The following RPL38 variants were observed in gnomAD, a reference collection of about 807,000 sequenced individuals.
RPL38 encodes the protein ribosomal protein L38.
A neutral mutation model predicts 12.8 loss-of-function variants in RPL38; 2 were observed. The ratio of observed to expected loss-of-function variants is 0.16; its 90% CI spans 0.06 to 0.49. The LOEUF is 0.49. Ranked by LOEUF, RPL38 falls within the 20% of genes least tolerant of loss-of-function variation. The probability of loss-of-function intolerance (pLI) is 0.96; values close to 1 mark genes in which losing one functional copy is unlikely to be tolerated. For missense variants in RPL38, 52 were observed against 79.8 expected (o/e 0.65, Z 1.33); for synonymous variants, 42 against 30.1 (o/e 1.39, Z -1.29).
intron 3 of RPL38, among the ~76,000 whole-genome samples, chr17:74,207,037 AG>A: frequency 6.6e-6 from 1 of 151,678 alleles, no homozygotes; most frequent in Non-Finnish European, 1.5e-5. Context: ...TTTTTTAAAC[AG>A]GGTCTCACTC....
rs2050148948 is a variant in RPL38, at chr17:74,209,831, C to T, written c.*2C>T. ...TTGGCAGTGAAGGAACTGAAATGAA[C>T]CAGACACACTGATTGGAACTGTATT... On this transcript the variant is annotated 3_prime_UTR_variant, in exon 5 of 5. Transcript: ENST00000311111. 2 of 1,609,596 alleles carry T rather than the reference C, an allele frequency of 1.2e-6. No individual in the cohort carries two copies. The highest frequency in any genetic ancestry group is 1.7e-6 in the Non-Finnish European group (2 of 1,175,952).
chr17:74,204,169 G>T lies in RPL38; in HGVS notation c.43G>T (p.Ala15Ser). 6.2e-7 allele frequency: 1 copy of T among 1,614,184 alleles called. No individual in the cohort carries two copies. Among genetic ancestry groups the T allele is most frequent in the Non-Finnish European group, 8.5e-7 (1 of 1,180,018 alleles). ...IEEIKDFLLT[A>S]RRKDAKSVKI... is the part of the protein sequence containing the mutation. Reference sequence around the variant, plus strand: ...GGAAATCAAGGACTTCCTGCTCACAGCCCGACGAAAGGATGCCAAATGTAA... The same window carrying T: ...GGAAATCAAGGACTTCCTGCTCACATCCCGACGAAAGGATGCCAAATGTAA... Residue 15 changes from alanine to serine, a missense_variant, in exon 3 of 5, where the codon GCC becomes TCC. Physicochemically the swap from Ala to Ser is moderately conservative, Grantham distance 99 (BLOSUM62 1). Coordinates refer to ENST00000311111, the MANE Select transcript of RPL38 (RefSeq NM_000999.4).
chr17:74,209,994 TTTTC>T lies in RPL38; in HGVS notation c.*173_*176del, dbSNP rs1479517382. The T allele has an allele frequency of 1.6e-3, 944 of 573,928 alleles. 1 individual carries two copies. The highest frequency in any genetic ancestry group is 2.2e-3 in the Middle Eastern group (8 of 3,714). The allele number at this position is 573,928 out of a possible 1,614,324, so 35.6% of individuals were successfully genotyped here. The stretch of plus-strand genomic sequence containing the variant: ...TTCCTGTGTCTTTTTTTTTTTTTTT[TTTTC>T]TTTCTTTGAGACGGAGTCTTGCTCT... On this transcript the variant is annotated 3_prime_UTR_variant, in exon 5 of 5. Coordinates refer to ENST00000311111, the MANE Select transcript of RPL38 (RefSeq NM_000999.4).
Position 74,209,924 on chromosome 17 carries a change from C to T in RPL38, c.*95C>T, listed in dbSNP as rs111790288. ...GATGGGAAAGGGAAAAATGCTACCT[C>T]GTAGTGGCTTCTGATGGGAACAGGA... On this transcript the variant is annotated 3_prime_UTR_variant, in exon 5 of 5. Coordinates refer to ENST00000311111, the MANE Select transcript of RPL38 (RefSeq NM_000999.4). 30,957 of 991,254 alleles carry T rather than the reference C, an allele frequency of 0.031. 646 individuals carry two copies. Among genetic ancestry groups the T allele is most frequent in the Middle Eastern group, 0.071 (340 of 4,814 alleles). 61.4% of individuals were successfully genotyped at this position (991,254 alleles called of 1,614,324 possible).
At chr17:74,209,729 A>T (rs565421205) in intron 4 of RPL38, 75 bp from the exon 5 acceptor site, 2 of 1,288,368 alleles carry the variant, frequency 1.6e-6, no homozygotes, top group Non-Finnish European at 1.1e-6. Context: ...CTTTAGCTTA[A>T]GTACAAAATT....
At chr17:74,205,296 C>T (rs2050102680) in intron 3 of RPL38, 1 of 152,110 alleles carries the variant, frequency 6.6e-6, no homozygotes, top group Admixed American at 6.5e-5. Flanking sequence ...TTACTTTAAC[C>T]CAGTCATCTT....
intron 3 of RPL38, among the ~76,000 whole-genome samples, chr17:74,207,185 G>A (rs992620783): frequency 1.3e-5 from 2 of 151,660 alleles, no homozygotes; most frequent in African/African-American, 2.4e-5. Context: ...CTAATTTTTG[G>A]TGTTTTAGAG....
At chr17:74,204,561 T>G (rs1598204485) in intron 3 of RPL38, 1 of 295,014 alleles carries the variant, frequency 3.4e-6, no homozygotes, top group African/African-American at 2.2e-5. Flanking sequence ...ACAAAATCCA[T>G]TTTGTAATAA....
intron 3 of RPL38, among the ~76,000 whole-genome samples, chr17:74,207,534 T>TA (rs911567068): frequency 1.4e-5 from 2 of 146,274 alleles, no homozygotes; most frequent in African/African-American, 5.3e-5. Context: ...TTTTTATTTA[T>TA]TTTTTTTTTG....
chr17:74,204,453 A>G (rs1393739031), intron 3 of RPL38: 6 of 492,914 alleles, frequency 1.2e-5, no homozygotes, highest in Non-Finnish European at 2.2e-5. Flanking sequence ...CGTATAATAT[A>G]GTAAATTGTC....
At chr17:74,204,303 C>T (rs923657633) in intron 3 of RPL38, 113 bp downstream of exon 3, 13 of 883,930 alleles carry the variant, frequency 1.5e-5, no homozygotes, top group South Asian at 2.9e-5. Context: ...GGGTGTGTGC[C>T]TGGCCCTCTG....
chr17:74,203,871 G>C (rs2050083549), intron 1 of RPL38, 47 bp from the exon 2 acceptor site: 1 of 1,481,162 alleles, frequency 6.8e-7, no homozygotes, highest in African/African-American at 1.4e-5. Flanking sequence ...AACGGGGTTC[G>C]CTGCCAGCCC....
chr17:74,203,850 G>A lies in RPL38; in HGVS notation c.-38-68G>A, dbSNP rs560371295. ...GTGCGATGGGGCCGATATTTCGGGG[G>A]AGAGCGGGAAAACGGGGTTCGCTGC... is the stretch of plus-strand genomic sequence containing the variant. On this transcript the variant is annotated intron_variant, in intron 1 of 4. Coordinates refer to ENST00000311111, the MANE Select transcript of RPL38 (RefSeq NM_000999.4). 9.4e-5 allele frequency: 130 copies of A among 1,376,996 alleles called. 1 individual carries two copies. Among genetic ancestry groups the A allele is most frequent in the Admixed American group, 4.4e-4 (18 of 40,954 alleles). The allele number at this position is 1,376,996 out of a possible 1,614,324, so 85.3% of individuals were successfully genotyped here.
At chr17:74,204,214 A>G in intron 3 of RPL38, 24 bp downstream of exon 3, 1 of 1,611,866 alleles carries the variant, frequency 6.2e-7, no homozygotes, top group African/African-American at 1.3e-5. Context: ...CCGAAGGTTC[A>G]AGAAGAGCGG....
At chr17:74,207,473 T>C (rs1250216475) in intron 3 of RPL38, among the ~76,000 whole-genome samples, 1 of 152,228 alleles carries the variant, frequency 6.6e-6, no homozygotes. Context: ...CTTTGGGGTA[T>C]ATACCTAGAA....
intron 4 of RPL38, 71 bp from the exon 5 acceptor site, chr17:74,209,733 C>T (rs1288453281): frequency 7.3e-7 from 1 of 1,379,260 alleles, no homozygotes; most frequent in Non-Finnish European, 1.0e-6. Flanking sequence ...AGCTTAAGTA[C>T]AAAATTTAGA....
At position 74,204,323 on chromosome 17, in the gene RPL38, G is replaced by A. The variant is rs550293961; in HGVS notation, c.64+133G>A. ...TGTGCCTGGCCCTCTGGGAGCAGTG[G>A]TTTCATCCTGTTTCCCATGAGAAAG... On this transcript the variant is annotated intron_variant, in intron 3 of 4. Coordinates refer to ENST00000311111, the MANE Select transcript of RPL38 (RefSeq NM_000999.4). 4.6e-4 allele frequency: 331 copies of A among 714,250 alleles called. No homozygotes were observed. The African/African-American group carries it at 5.2e-3, about 11-fold the overall frequency. The allele number at this position is 714,250 out of a possible 1,614,324, so 44.2% of individuals were successfully genotyped here. A position where few individuals can be genotyped will look rare whatever the true frequency, so the allele number is the denominator to read the frequency against.
At chr17:74,204,498 C>T (rs1412319893) in intron 3 of RPL38, 1 of 414,306 alleles carries the variant, frequency 2.4e-6, no homozygotes, top group South Asian at 2.4e-5. Context: ...AGCCTCAAAA[C>T]ACACGTCCCA....
chr17:74,204,363 C>G (rs531627308), intron 3 of RPL38, 173 bp downstream of exon 3: 2 of 613,712 alleles, frequency 3.3e-6, no homozygotes, highest in African/African-American at 3.7e-5. Flanking sequence ...GTGGGGGGCA[C>G]GTTGAGGCCC....
Sources: gnomAD v4.1 joint callset for allele counts (sites outside exome capture counted in the v4.1 genomes callset) on GRCh38, gnomAD v4.1.1 for gene constraint, MANE v1.5 for transcripts, NCBI Gene and HGNC (gene_info 2026-07-23, HGNC 2026-07-21) for gene names.